TRAPPC10: variants seen among roughly 807,000 people sequenced by gnomAD.
TRAPPC10 encodes trafficking protein particle complex subunit 10.
A neutral mutation model predicts 125.5 loss-of-function variants in TRAPPC10; 23 were observed. That is an observed-to-expected ratio of 0.18 (90% confidence interval 0.13 to 0.26). TRAPPC10 has a LOEUF of 0.26. Ranked by LOEUF, TRAPPC10 falls within the 10% of genes least tolerant of loss-of-function variation. The pLI is 1.00. For missense variants in TRAPPC10, 1,123 were observed against 1,308.4 expected, an observed-to-expected ratio of 0.86 and a Z score of 2.19; for synonymous variants, 509 against 518.0, an observed-to-expected ratio of 0.98 and a Z score of 0.24.
Position 44,063,764 on chromosome 21 carries a change from G to T in TRAPPC10, c.1017G>T (p.Val339=). The part of the protein sequence containing the change: ...QRALELLHNC[V]QELKLLEVSV... ...CCCTAGAGCTGCTGCACAACTGCGTGCAGGAACTGAAGCTCTTAGAAGTGA... is the reference window on the plus strand; with the variant it reads ...CCCTAGAGCTGCTGCACAACTGCGTTCAGGAACTGAAGCTCTTAGAAGTGA... Residue 339 remains valine, a synonymous_variant, in exon 7 of 23, where the codon GTG becomes GTT. Coordinates refer to ENST00000291574, the MANE Select transcript of TRAPPC10 (RefSeq NM_003274.5). This position sits in a 1 kb window ranked among gnomAD's most constrained non-coding sequence, Gnocchi z 4.4. 1 of 1,613,926 alleles carries T rather than the reference G, an allele frequency of 6.2e-7. No homozygotes were observed. The highest frequency in any genetic ancestry group is 8.5e-7 in the Non-Finnish European group (1 of 1,179,966).
intron 17 of TRAPPC10, chr21:44,089,056 T>C (rs2038380691): frequency 4.9e-6 from 1 of 204,938 alleles, no homozygotes; most frequent in African/African-American, 2.6e-5. Context: ...GCACCTGTGC[T>C]ATGTGCCGTG....
chr21:44,013,523 G>T (rs2031428032), intron 1 of TRAPPC10, among the ~76,000 whole-genome samples: 1 of 152,300 alleles, frequency 6.6e-6, no homozygotes, highest in South Asian at 2.1e-4. Flanking sequence ...AAATCTGGGT[G>T]CCCAGGCCAC....
intron 3 of TRAPPC10, among the ~76,000 whole-genome samples, chr21:44,048,530 A>G (rs967229443): frequency 2.0e-5 from 3 of 152,086 alleles, no homozygotes; most frequent in Non-Finnish European, 2.9e-5. Context: ...GTCTTGCTCT[A>G]TCACCCAGGC....
At chr21:44,031,992 A>G (rs2033617408) in intron 1 of TRAPPC10, 99 bp from the exon 2 acceptor site, 1 of 977,352 alleles carries the variant, frequency 1.0e-6, no homozygotes, top group African/African-American at 1.6e-5. Flanking sequence ...TTTACTAAAC[A>G]TAAAACTACC....
intron 1 of TRAPPC10, among the ~76,000 whole-genome samples, chr21:44,016,747 C>T (rs1177938286): frequency 1.3e-5 from 2 of 152,184 alleles, no homozygotes; most frequent in Non-Finnish European, 2.9e-5. Flanking sequence ...CAAGCTCCGC[C>T]TCCCGGGTTC....
At chr21:44,029,345 C>G (rs554285127) in intron 1 of TRAPPC10, among the ~76,000 whole-genome samples, 8 of 152,208 alleles carry the variant, frequency 5.3e-5, no homozygotes, top group Non-Finnish European at 1.0e-4. Flanking sequence ...CCACCCACCT[C>G]GGCCTCCCAA....
chr21:44,030,759 C>T (rs1293023357), intron 1 of TRAPPC10, among the ~76,000 whole-genome samples: 1 of 152,176 alleles, frequency 6.6e-6, no homozygotes, highest in Non-Finnish European at 1.5e-5. Flanking sequence ...TGAGCCATCA[C>T]GCCTGGCCTC....
At chr21:44,015,498 G>T (rs1348211082) in intron 1 of TRAPPC10, among the ~76,000 whole-genome samples, 1 of 152,040 alleles carries the variant, frequency 6.6e-6, no homozygotes, top group Admixed American at 6.5e-5. Flanking sequence ...GCCGACTGCA[G>T]CCTTGCTGGG....
intron 14 of TRAPPC10, among the ~76,000 whole-genome samples, chr21:44,083,579 C>CT (rs533532652): frequency 2.0e-5 from 3 of 152,208 alleles, no homozygotes; most frequent in Admixed American, 2.0e-4. Flanking sequence ...ATTCAGTTAG[C>CT]TTTCCCCCCT....
intron 20 of TRAPPC10, among the ~76,000 whole-genome samples, chr21:44,095,646 C>A (rs903588177): frequency 1.3e-5 from 2 of 152,044 alleles, no homozygotes; most frequent in Non-Finnish European, 2.9e-5. Context: ...TCACTGCAAC[C>A]TCCGCCCCTC....
At chr21:44,045,081 C>A (rs747758454) in intron 3 of TRAPPC10, among the ~76,000 whole-genome samples, 1 of 152,126 alleles carries the variant, frequency 6.6e-6, no homozygotes, top group African/African-American at 2.4e-5. Context: ...ATTACAGGTG[C>A]ACACCACCAC....
At position 44,084,238 on chromosome 21, in the gene TRAPPC10, C is replaced by G; in HGVS notation, c.2355C>G (p.Pro785=). The G allele has an allele frequency of 8.1e-6, 13 of 1,613,956 alleles. No individual in the cohort carries two copies. Among genetic ancestry groups the G allele is most frequent in the Non-Finnish European group, 1.1e-5 (13 of 1,179,970 alleles). The change falls in exon 15 of 23, where the codon CCC becomes CCG. Residue 785 remains proline, a synonymous_variant. Coordinates refer to ENST00000291574, the MANE Select transcript of TRAPPC10 (RefSeq NM_003274.5). ...IVQYDVYSQE[P]QLHVEPLADS... Reference sequence around the variant, plus strand: ...AGTACGACGTGTACTCACAGGAGCCCCAGCTGCACGTGGAGCCGCTGGCTG... The same window carrying G: ...AGTACGACGTGTACTCACAGGAGCCGCAGCTGCACGTGGAGCCGCTGGCTG...
intron 1 of TRAPPC10, among the ~76,000 whole-genome samples, chr21:44,023,936 C>T (rs1044864178): frequency 6.6e-6 from 1 of 152,106 alleles, no homozygotes; most frequent in Admixed American, 6.5e-5. Context: ...CAGGTGCATG[C>T]CATCACATCT....
chr21:44,092,764 G>A (rs1373416079), intron 19 of TRAPPC10, among the ~76,000 whole-genome samples: 3 of 204 alleles, frequency 0.015, no homozygotes, highest in African/African-American at 0.037. Flanking sequence ...TTGGCTGGAT[G>A]TAAAGATTAC....
chr21:44,039,085 C>T (rs190483558), intron 3 of TRAPPC10, among the ~76,000 whole-genome samples: 7 of 152,214 alleles, frequency 4.6e-5, no homozygotes, highest in African/African-American at 1.4e-4. Context: ...AGGAGTTGTC[C>T]GGTTCCTCCC....
chr21:44,059,516 C>A lies in TRAPPC10; in HGVS notation c.790+302C>A. 1.3e-6 allele frequency: 1 copy of A among 754,718 alleles called. No individual in the cohort carries two copies. 46.8% of individuals were successfully genotyped at this position (754,718 alleles called of 1,614,324 possible). A position where few individuals can be genotyped will look rare whatever the true frequency, so the allele number is the denominator to read the frequency against. On this transcript the variant is annotated intron_variant, in intron 6 of 22. Coordinates refer to ENST00000291574, the MANE Select transcript of TRAPPC10 (RefSeq NM_003274.5). The surrounding 1 kb of genome is among the most constrained non-coding windows in gnomAD (Gnocchi z 4.4). Reference sequence around the variant, plus strand: ...GTGGCCTGCTGGTGATGCTTCGATTCTGTCCCTCGTTAGAATCAGAGTGGA... The same window carrying A: ...GTGGCCTGCTGGTGATGCTTCGATTATGTCCCTCGTTAGAATCAGAGTGGA...
In TRAPPC10 at chr21:44,087,924, A is replaced by G; in HGVS notation, c.2765A>G (p.His922Arg). The part of the protein sequence containing the change: ...RTGRCMVTTD[H>R]KVSIDCPWSI... Reference sequence around the variant, plus strand: ...GGCCGCTGCATGGTTACCACAGACCACAAAGTGAGTAGGGACAGTGGAGGA... The same window carrying G: ...GGCCGCTGCATGGTTACCACAGACCGCAAAGTGAGTAGGGACAGTGGAGGA... Residue 922 changes from histidine (H) to arginine (R), a missense_variant, in exon 17 of 23, where the codon CAC (histidine) becomes CGC (arginine). Physicochemically the swap from His to Arg is conservative, Grantham distance 29 (BLOSUM62 0). Coordinates refer to ENST00000291574, the MANE Select transcript of TRAPPC10 (RefSeq NM_003274.5). This position sits in a 1 kb window ranked among gnomAD's most constrained non-coding sequence, Gnocchi z 4.6. The G allele has an allele frequency of 6.2e-7, 1 of 1,612,766 alleles. No homozygotes were observed. Among genetic ancestry groups the G allele is most frequent in the South Asian group, 1.1e-5 (1 of 90,946 alleles).
chr21:44,063,719 G>A lies in TRAPPC10; in HGVS notation c.972G>A (p.Pro324=), dbSNP rs368009776. 69 of 1,614,056 alleles carry A rather than the reference G, an allele frequency of 4.3e-5. No individual in the cohort carries two copies. The highest frequency in any genetic ancestry group is 4.4e-5 in the South Asian group (4 of 91,086). ...CCTTGCTGCTCTTCCTGCAGAGGCC[G>A]TGGGAGGTGGCCCAGCGCGCCCTAG... The part of the protein sequence containing the change: ...QCTLLLFLQR[P]WEVAQRALEL... Residue 324 remains proline, a synonymous_variant, in exon 7 of 23, where the codon CCG becomes CCA. Coordinates refer to ENST00000291574, the MANE Select transcript of TRAPPC10 (RefSeq NM_003274.5). This position sits in a 1 kb window ranked among gnomAD's most constrained non-coding sequence, Gnocchi z 4.4.
At position 44,052,490 on chromosome 21, in the gene TRAPPC10, T is replaced by C; in HGVS notation, c.482+14T>C. On this transcript the variant is annotated intron_variant, in intron 4 of 22. Coordinates refer to ENST00000291574, the MANE Select transcript of TRAPPC10 (RefSeq NM_003274.5). The stretch of plus-strand genomic sequence containing the variant: ...ACAGAGTGACAGGTAAGTGTATCTT[T>C]AATTTTACCTCATTTGGTTAATACT... 1 of 1,582,970 alleles carries C rather than the reference T, an allele frequency of 6.3e-7. No homozygotes were observed. The highest frequency in any genetic ancestry group is 8.6e-7 in the Non-Finnish European group (1 of 1,167,314).
Sources: gnomAD v4.1 joint callset for allele counts (sites outside exome capture counted in the v4.1 genomes callset) on GRCh38, gnomAD v4.1.1 for gene constraint, Gnocchi (gnomAD v3.1) non-coding constraint, MANE v1.5 for transcripts, NCBI Gene and HGNC (gene_info 2026-07-23, HGNC 2026-07-21) for gene names.